Variants in P4HA1 observed in about 807,000 individuals in gnomAD.
The protein encoded by P4HA1 is prolyl 4-hydroxylase subunit alpha-1.
In P4HA1, 24 loss-of-function variants were observed where a neutral mutation model predicts 72.8. The observed-to-expected ratio is 0.33, with a 90% CI of 0.24 to 0.46. P4HA1 has a LOEUF of 0.46. Ranked by LOEUF, P4HA1 falls within the 20% of genes least tolerant of loss-of-function variation. The pLI is 1.00. For synonymous variants in P4HA1, 201 were observed against 218.8 expected (o/e 0.92, Z 0.72); for missense variants, 446 against 640.6 (o/e 0.70, Z 3.28).
At chr10:73,047,516 T>C (rs1175308883) in intron 7 of P4HA1, among the ~76,000 whole-genome samples, 1 of 146,212 alleles carries the variant, frequency 6.8e-6, no homozygotes, top group Admixed American at 6.8e-5. Context: ...AAAACTAGGT[T>C]TTCCTAAATA....
intron 9 of P4HA1, among the ~76,000 whole-genome samples, chr10:73,044,740 T>C (rs1342401110): frequency 6.6e-6 from 1 of 152,142 alleles, no homozygotes; most frequent in African/African-American, 2.4e-5. Flanking sequence ...TGAAGAAAGA[T>C]AAAAAGCATA....
intron 7 of P4HA1, among the ~76,000 whole-genome samples, chr10:73,048,364 A>G (rs1010427018): frequency 6.6e-6 from 1 of 152,144 alleles, no homozygotes; most frequent in African/African-American, 2.4e-5. Context: ...CCTGGGTTCA[A>G]GCAATTCTCC....
At chr10:73,022,895 G>C (rs1255004894) in intron 10 of P4HA1, among the ~76,000 whole-genome samples, 1 of 152,208 alleles carries the variant, frequency 6.6e-6, no homozygotes, top group Non-Finnish European at 1.5e-5. Context: ...AAGGGTATCA[G>C]TGATTGAAGA....
intron 1 of P4HA1, among the ~76,000 whole-genome samples, chr10:73,093,168 C>T (rs1433754440): frequency 1.3e-5 from 2 of 148,758 alleles, no homozygotes; most frequent in East Asian, 3.9e-4. Flanking sequence ...ACTAATTCCA[C>T]ATAATATTAC....
intron 10 of P4HA1, among the ~76,000 whole-genome samples, chr10:73,027,130 T>C (rs980324875): frequency 1.3e-5 from 2 of 152,140 alleles, no homozygotes; most frequent in Non-Finnish European, 2.9e-5. Context: ...ATCATGCTAC[T>C]ATAAAGACAC....
Position 73,094,563 on chromosome 10 carries a change from C to G in P4HA1, c.-33+2203G>C, listed in dbSNP as rs546743551. Among the ~76,000 whole-genome samples, 39 of 152,292 alleles carry G rather than the reference C, an allele frequency of 2.6e-4. No individual in the cohort carries two copies. In the East Asian group the frequency reaches 7.1e-3, roughly 28 times the overall value. On this transcript the variant is annotated intron_variant, in intron 1 of 14. Transcript: ENST00000394890. Reference sequence around the variant, plus strand: ...GTCAATTCAAGAGCAATAATTATATCCTAGTTGATAACTGGTTGCTAAGTA... The same window carrying G: ...GTCAATTCAAGAGCAATAATTATATGCTAGTTGATAACTGGTTGCTAAGTA...
chr10:73,057,170 A>G (rs1328381183), intron 5 of P4HA1, among the ~76,000 whole-genome samples: 2 of 151,810 alleles, frequency 1.3e-5, no homozygotes, highest in Non-Finnish European at 2.9e-5. Context: ...CAGTAGAGAG[A>G]GATAAAAACA....
chr10:73,078,673 G>A (rs894929663), intron 1 of P4HA1, among the ~76,000 whole-genome samples: 5 of 138,448 alleles, frequency 3.6e-5, no homozygotes, highest in Admixed American at 3.1e-4. Context: ...GTGTAGTAGC[G>A]CAATCTCAGC....
chr10:73,052,261 C>T (rs567566005), intron 6 of P4HA1, among the ~76,000 whole-genome samples: 1 of 151,836 alleles, frequency 6.6e-6, no homozygotes, highest in South Asian at 2.1e-4. Flanking sequence ...AGAGACTTCA[C>T]TTGTGACAGT....
At chr10:73,051,858 T>A (rs1489474782) in intron 6 of P4HA1, among the ~76,000 whole-genome samples, 1 of 152,206 alleles carries the variant, frequency 6.6e-6, no homozygotes, top group Non-Finnish European at 1.5e-5. Flanking sequence ...GGAACTAAGT[T>A]CAATTTGATG....
At chr10:73,015,933 C>T (rs1839999730) in intron 11 of P4HA1, among the ~76,000 whole-genome samples, 1 of 151,750 alleles carries the variant, frequency 6.6e-6, no homozygotes, top group Admixed American at 6.6e-5. Context: ...CACCGTATTT[C>T]CATAAATTCC....
At chr10:73,011,430 T>C (rs1839907412) in intron 12 of P4HA1, among the ~76,000 whole-genome samples, 2 of 152,308 alleles carry the variant, frequency 1.3e-5, no homozygotes, top group South Asian at 2.1e-4. Context: ...GTTTTGTTCA[T>C]TGCTGATCAT....
At chr10:73,028,288 T>C (rs112962550) in intron 10 of P4HA1, among the ~76,000 whole-genome samples, 16 of 144,892 alleles carry the variant, frequency 1.1e-4, no homozygotes, top group African/African-American at 4.2e-4. Context: ...TAGGATGGCA[T>C]CAAACCGTGT....
intron 10 of P4HA1, among the ~76,000 whole-genome samples, chr10:73,026,516 T>C (rs1217664862): frequency 1.3e-5 from 2 of 152,188 alleles, no homozygotes; most frequent in Non-Finnish European, 2.9e-5. Flanking sequence ...GAAGAAAACC[T>C]AGGCAATACC....
At chr10:73,061,324 G>A (rs1473540137) in intron 5 of P4HA1, among the ~76,000 whole-genome samples, 2 of 152,048 alleles carry the variant, frequency 1.3e-5, no homozygotes, top group African/African-American at 2.4e-5. Context: ...GGAAACATAG[G>A]CATTAAAGGA....
chr10:73,052,137 T>C (rs1841035422), intron 6 of P4HA1, among the ~76,000 whole-genome samples: 1 of 151,870 alleles, frequency 6.6e-6, no homozygotes, highest in African/African-American at 2.4e-5. Context: ...CTAGTCATAA[T>C]TTTGAACTAC....
At chr10:73,009,286 G>GGCCA (rs113290437) in intron 14 of P4HA1, among the ~76,000 whole-genome samples, 23,827 of 152,022 alleles carry the variant, frequency 0.16, 3,135 homozygotes, top group African/African-American at 0.34. Flanking sequence ...TTAAAAATGT[G>GGCCA]GTCCTGCACT....
chr10:73,045,437 T>C (rs560092279), intron 8 of P4HA1, among the ~76,000 whole-genome samples: 185 of 152,206 alleles, frequency 1.2e-3, no homozygotes, highest in African/African-American at 4.3e-3. Flanking sequence ...TATTTGCAAT[T>C]AATGATCCAT....
intron 7 of P4HA1, 104 bp from the exon 8 acceptor site, chr10:73,047,205 G>T: frequency 1.2e-6 from 1 of 834,464 alleles, no homozygotes; most frequent in Non-Finnish European, 1.9e-6. Flanking sequence ...CATATACAGA[G>T]TATCTCTGGA....
Sources: allele counts gnomAD v4.1 joint callset (sites outside exome capture counted in the v4.1 genomes callset), GRCh38; gene constraint gnomAD v4.1.1; transcripts MANE v1.5; gene names NCBI Gene and HGNC (gene_info 2026-07-23, HGNC 2026-07-21).